The following ZIM2 variants were observed in gnomAD, a reference collection of about 807,000 sequenced individuals.
ZIM2 encodes zinc finger protein 656.
A neutral mutation model predicts 38.6 loss-of-function variants in ZIM2; 14 were observed. That is an observed-to-expected ratio of 0.36 (90% CI 0.24 to 0.57). ZIM2 has a LOEUF of 0.57. ZIM2 is among the 20% of genes least tolerant of loss of function. ZIM2 has a pLI of 0.81. For synonymous variants in ZIM2, 247 were observed against 245.8 expected, an observed-to-expected ratio of 1.00 and a Z score of -0.04; for missense variants, 680 against 695.1, an observed-to-expected ratio of 0.98 and a Z score of 0.24.
rs1236176807 is a variant in ZIM2, at chr19:56,812,300, G to A, written c.490+5446C>T. 6 of 981,288 alleles carry A rather than the reference G, an allele frequency of 6.1e-6. No individual in the cohort carries two copies. In the African/African-American group the frequency reaches 1.1e-4, roughly 17 times the overall value. 60.8% of individuals were successfully genotyped at this position (981,288 alleles called of 1,614,324 possible). A position where few individuals can be genotyped will look rare whatever the true frequency, so the allele number is the denominator to read the frequency against. On this transcript the variant is annotated intron_variant, in intron 9 of 12. Coordinates refer to ENST00000629319, the MANE Select transcript of ZIM2 (RefSeq NM_001387356.1). ...AATTAAAAGAATACTAAGATTAGAT[G>A]AACACAACACTCAGAAATACTCTAG...
In ZIM2 at chr19:56,820,676, C is replaced by A. The variant is rs183842919; in HGVS notation, c.294+975G>T. Among the ~76,000 whole-genome samples the A allele has an allele frequency of 8.1e-4, 123 of 152,290 alleles. 1 individual carries two copies. The highest frequency in any genetic ancestry group is 1.5e-3 in the Admixed American group (23 of 15,310). On this transcript the variant is annotated intron_variant, in intron 7 of 12. Coordinates refer to ENST00000629319, the MANE Select transcript of ZIM2 (RefSeq NM_001387356.1). Reference sequence around the variant, plus strand: ...CATTTCCCTTCAATCCAAATCAAGGCCCTTGTTACAATTTCTTGTTAACTC... The same window carrying A: ...CATTTCCCTTCAATCCAAATCAAGGACCTTGTTACAATTTCTTGTTAACTC...
intron 1 of ZIM2, 24 bp from the exon 2 acceptor site, chr19:56,836,128 G>A (rs908063334): frequency 2.2e-6 from 1 of 456,150 alleles, no homozygotes; most frequent in Non-Finnish European, 4.4e-6. Context: ...GAAAATGTGA[G>A]ACGCCAAGTT....
At chr19:56,840,415 G>T (rs1372506321) in intron 1 of ZIM2, among the ~76,000 whole-genome samples, 167 bp downstream of exon 1, 1 of 152,184 alleles carries the variant, frequency 6.6e-6, no homozygotes, top group Non-Finnish European at 1.5e-5. Context: ...CTCGGACTGG[G>T]CAGCGGGCGG....
chr19:56,811,186 T>C (rs1179833794), intron 9 of ZIM2: 1 of 974,562 alleles, frequency 1.0e-6, no homozygotes, highest in Non-Finnish European at 1.2e-6. Flanking sequence ...TCATAAACTT[T>C]TTAGTAACAC....
chr19:56,824,496 A>G (rs2060822930), intron 3 of ZIM2, 69 bp from the exon 4 acceptor site: 1 of 1,614,000 alleles, frequency 6.2e-7, no homozygotes, highest in Admixed American at 1.7e-5. Context: ...AATTCCACAT[A>G]GATTAGGTTC....
chr19:56,821,695 T>C lies in ZIM2; in HGVS notation c.250A>G (p.Arg84Gly), dbSNP rs772421388. The C allele has an allele frequency of 6.2e-7, 1 of 1,614,024 alleles. No individual in the cohort carries two copies. Among genetic ancestry groups the C allele is most frequent in the Non-Finnish European group, 8.5e-7 (1 of 1,180,016 alleles). The change falls in exon 7 of 13, where the codon AGA becomes GGA. Residue 84 changes from arginine to glycine, a missense_variant. Coordinates refer to ENST00000629319, the MANE Select transcript of ZIM2 (RefSeq NM_001387356.1). ...VVAKTSFEMDREDDRDSRAYE... is the reference protein window; with the variant it reads ...VVAKTSFEMDGEDDRDSRAYE... Reference sequence around the variant, plus strand: ...GCCCTGGAGTCCCTGTCGTCCTCTCTGTCCATTTCAAAGCTTGTTTTCGCC... The same window carrying C: ...GCCCTGGAGTCCCTGTCGTCCTCTCCGTCCATTTCAAAGCTTGTTTTCGCC...
rs551555838 is a variant in ZIM2, at chr19:56,797,467, A to G, written c.491-7516T>C. On this transcript the variant is annotated intron_variant, in intron 9 of 12. Coordinates refer to ENST00000629319, the MANE Select transcript of ZIM2 (RefSeq NM_001387356.1). ...GTGTAGACTACAGAACCAGGAAATG[A>G]CCTACCAGCAAGTCTTTTATGTGTG... Among the ~76,000 whole-genome samples the G allele has an allele frequency of 1.8e-3, 274 of 152,276 alleles. 2 individuals are homozygous for G. The highest frequency in any genetic ancestry group is 6.3e-3 in the African/African-American group (263 of 41,542).
chr19:56,825,086 T>A (rs960346102), intron 3 of ZIM2: 1 of 162,016 alleles, frequency 6.2e-6, no homozygotes, highest in African/African-American at 2.4e-5. Context: ...CTAAGATACC[T>A]AAAAAGACTT....
At chr19:56,813,997 G>C in intron 9 of ZIM2, 1 of 1,613,982 alleles carries the variant, frequency 6.2e-7, no homozygotes, top group Non-Finnish European at 8.5e-7. Flanking sequence ...CACACCGTCA[G>C]GCTCGTCGGC....
Position 56,818,616 on chromosome 19 carries a change from C to T in ZIM2, c.381G>A (p.Arg127=), listed in dbSNP as rs1248130799. 1 of 1,614,138 alleles carries T rather than the reference C, an allele frequency of 6.2e-7. No homozygotes were observed. Among genetic ancestry groups the T allele is most frequent in the Non-Finnish European group, 8.5e-7 (1 of 1,180,032 alleles). Residue 127 remains arginine (R), a synonymous_variant, in exon 8 of 13, where the codon AGG becomes AGA. Coordinates refer to ENST00000629319, the MANE Select transcript of ZIM2 (RefSeq NM_001387356.1). ...NTIQDNMENY[R]KLLSLGVQLA... ...GCTGCTTACCGAGGGAGAGCAGCTT[C>T]CTGTAGTTTTCCATGTTGTCCTGGA...
chr19:56,822,627 T>C, intron 6 of ZIM2, 126 bp downstream of exon 6: 3 of 1,345,776 alleles, frequency 2.2e-6, no homozygotes, highest in Non-Finnish European at 1.0e-6. Flanking sequence ...GACTAAACTT[T>C]TGGGGAAGCG....
At chr19:56,834,595 G>GT in intron 2 of ZIM2, among the ~76,000 whole-genome samples, 1 of 152,206 alleles carries the variant, frequency 6.6e-6, no homozygotes, top group Non-Finnish European at 1.5e-5. Flanking sequence ...TGTCAGTACG[G>GT]TTTTAAGTCT....
chr19:56,836,358 G>T (rs2062102125), intron 1 of ZIM2, among the ~76,000 whole-genome samples: 1 of 152,158 alleles, frequency 6.6e-6, no homozygotes, highest in African/African-American at 2.4e-5. Flanking sequence ...TTTCTGGGGT[G>T]TCTTACAACC....
intron 7 of ZIM2, among the ~76,000 whole-genome samples, chr19:56,820,491 A>T (rs1013932098): frequency 3.3e-5 from 5 of 152,216 alleles, no homozygotes; most frequent in Non-Finnish European, 5.9e-5. Flanking sequence ...AGGCCCACAC[A>T]TGCCTCCAGC....
intron 9 of ZIM2, chr19:56,812,410 T>G: frequency 1.0e-6 from 1 of 982,608 alleles, no homozygotes; most frequent in Non-Finnish European, 1.2e-6. Flanking sequence ...TTGGGTTGAC[T>G]GTAAAGAATT....
At position 56,822,789 on chromosome 19, in the gene ZIM2, G is replaced by A. The variant is rs775889805; in HGVS notation, c.154C>T (p.Arg52Ter). 2.5e-6 allele frequency: 4 copies of A among 1,614,122 alleles called. No individual in the cohort carries two copies. Among genetic ancestry groups the A allele is most frequent in the African/African-American group, 1.3e-5 (1 of 75,032 alleles). ...TTCCTGGTGTGGGACCAGCGGTCTC[G>A]TGGCTCCATGTCTCTGCTTCTGCCC... ...RRGRSRDMEP[R>*]DRWSHTRNPR... Residue 52 changes from arginine (R) to a stop codon, truncating the protein, a stop_gained, in exon 6 of 13, where the codon CGA (arginine) becomes TGA (stop). Coordinates refer to ENST00000629319, the MANE Select transcript of ZIM2 (RefSeq NM_001387356.1). LOFTEE classifies it high-confidence loss of function.
Position 56,779,479 on chromosome 19 carries a change from G to A in ZIM2, c.740-7C>T. The A allele has an allele frequency of 6.2e-7, 1 of 1,613,606 alleles. No individual in the cohort carries two copies. Among genetic ancestry groups the A allele is most frequent in the Non-Finnish European group, 8.5e-7 (1 of 1,179,760 alleles). On this transcript the variant is annotated splice_region_variant and splice_polypyrimidine_tract_variant and intron_variant, in intron 11 of 12. Coordinates refer to ENST00000629319, the MANE Select transcript of ZIM2 (RefSeq NM_001387356.1). ...GGTTTAGAGAACTGGTGCCCTGTTG[G>A]AGAGGAAGACTGAGAACTCAGGGTT...
chr19:56,790,992 C>T lies in ZIM2; in HGVS notation c.491-1041G>A, dbSNP rs557181727. 3.3e-5 allele frequency: 5 copies of T among 152,184 alleles called. No homozygotes were observed. In the South Asian group the frequency reaches 1.0e-3, roughly 32 times the overall value. The allele number at this position is 152,184 out of a possible 1,614,324, so 9.4% of individuals were successfully genotyped here. A position where few individuals can be genotyped will look rare whatever the true frequency, so the allele number is the denominator to read the frequency against. ...GCCTTAACCTTGATGGCCTTCCTTG[C>T]CTATATATTCTCTTTTCTCGGTAAA... On this transcript the variant is annotated intron_variant, in intron 9 of 12. Coordinates refer to ENST00000629319, the MANE Select transcript of ZIM2 (RefSeq NM_001387356.1).
chr19:56,811,860 T>C, intron 9 of ZIM2: 1 of 985,526 alleles, frequency 1.0e-6, no homozygotes, highest in Non-Finnish European at 1.2e-6. Flanking sequence ...TTCTTGCCTC[T>C]GGTGTTTTCT....
Sources: allele counts gnomAD v4.1 joint callset (sites outside exome capture counted in the v4.1 genomes callset), GRCh38; gene constraint gnomAD v4.1.1; transcripts MANE v1.5; gene names NCBI Gene and HGNC (gene_info 2026-07-23, HGNC 2026-07-21).